Variants in PIAS2 observed in about 807,000 individuals in gnomAD.
The protein encoded by PIAS2 is protein inhibitor of activated STAT 2, also known as E3 SUMO-protein ligase PIAS2.
Under a neutral mutation model 69.7 loss-of-function variants are expected in PIAS2, and 19 were observed. The ratio of observed to expected loss-of-function variants is 0.27; its 90% CI spans 0.19 to 0.40. PIAS2 has a LOEUF of 0.40. Ranked by LOEUF, PIAS2 falls within the 10% of genes least tolerant of loss-of-function variation. The pLI is 1.00. For synonymous variants in PIAS2, 261 were observed against 263.2 expected, an observed-to-expected ratio of 0.99 and a Z score of 0.08; for missense variants, 624 against 757.0, an observed-to-expected ratio of 0.82 and a Z score of 2.06.
At chr18:46,859,427 C>CAAAAAAAAAAAAAAAAAAAAAAAAAAAAA (rs55776913) in intron 3 of PIAS2, among the ~76,000 whole-genome samples, 1 of 89,544 alleles carries the variant, frequency 1.1e-5, no homozygotes, top group Non-Finnish European at 2.0e-5. Context: ...GACTCCGTCT[C>CAAAAAAAAAAAAAAAAAAAAAAAAAAAAA]AAAAAAAAAA....
At chr18:46,898,655 A>C (rs1445159148) in intron 1 of PIAS2, among the ~76,000 whole-genome samples, 1 of 152,180 alleles carries the variant, frequency 6.6e-6, no homozygotes, top group Non-Finnish European at 1.5e-5. Flanking sequence ...CAAAAGAATA[A>C]ATTTTAAAAT....
At position 46,842,217 on chromosome 18, in the gene PIAS2, C is replaced by A. The variant is rs182096472; in HGVS notation, c.1041+1837G>T. On this transcript the variant is annotated intron_variant, in intron 8 of 13. Coordinates refer to ENST00000585916, the MANE Select transcript of PIAS2 (RefSeq NM_004671.5). Reference sequence around the variant, plus strand: ...TTCCAGCATGGGCAACAGAGAGAGACCCTGTCTCAAAAAAAATTTAAAATA... The same window carrying A: ...TTCCAGCATGGGCAACAGAGAGAGAACCTGTCTCAAAAAAAATTTAAAATA... Among the ~76,000 whole-genome samples the A allele has an allele frequency of 1.2e-4, 18 of 145,256 alleles. No individual in the cohort carries two copies. The East Asian group carries it at 2.8e-3, about 23-fold the overall frequency.
chr18:46,904,625 C>T (rs994544003), intron 1 of PIAS2, among the ~76,000 whole-genome samples: 5 of 152,056 alleles, frequency 3.3e-5, no homozygotes, highest in Admixed American at 2.0e-4. Flanking sequence ...GTGGCAGGCA[C>T]CTGTAGTCCC....
At chr18:46,825,730 AGTG>A (rs1343826568) in intron 11 of PIAS2, among the ~76,000 whole-genome samples, 2 of 152,236 alleles carry the variant, frequency 1.3e-5, no homozygotes, top group Non-Finnish European at 2.9e-5. Flanking sequence ...AACTGATTTC[AGTG>A]GTGAACTCTT....
In PIAS2 at chr18:46,864,253, G is replaced by C; in HGVS notation, c.500-5C>G. On this transcript the variant is annotated splice_polypyrimidine_tract_variant and splice_region_variant and intron_variant, in intron 2 of 13. Transcript: ENST00000585916. Reference sequence around the variant, plus strand: ...ATCGCTGAATACTGCTTTGAACTGGGAAGAAAAAAAAAAAGAAAGATAATA... The same window carrying C: ...ATCGCTGAATACTGCTTTGAACTGGCAAGAAAAAAAAAAAGAAAGATAATA... 6.5e-7 allele frequency: 1 copy of C among 1,533,076 alleles called. No homozygotes were observed. The allele number at this position is 1,533,076 out of a possible 1,614,324, so 95.0% of individuals were successfully genotyped here.
At chr18:46,890,475 T>C (rs2053908117) in intron 2 of PIAS2, 105 bp downstream of exon 2, 2 of 708,262 alleles carry the variant, frequency 2.8e-6, no homozygotes, top group Non-Finnish European at 4.6e-6. Flanking sequence ...TCGGCATTGA[T>C]GCCTCAATTT....
Position 46,807,370 on chromosome 18 carries a change from TA to T in PIAS2, c.*5062del, listed in dbSNP as rs1568312693. On this transcript the variant is annotated 3_prime_UTR_variant, in exon 14 of 14. Transcript: ENST00000585916. ...ATGTCAGATTTTATATATATATATA[TA>T]TATATATATATATTTTTTTTTTTTT... 18 of 28,306 alleles carry T rather than the reference TA, an allele frequency of 6.4e-4. No homozygotes were observed. Among genetic ancestry groups the T allele is most frequent in the South Asian group, 1.1e-3 (1 of 918 alleles). 1.8% of individuals were successfully genotyped at this position (28,306 alleles called of 1,614,324 possible).
rs542274042 is a variant in PIAS2 at position 46,846,828 on chromosome 18, G to T, written c.740C>A (p.Pro247Gln). The T allele has an allele frequency of 6.2e-7, 1 of 1,607,466 alleles. No homozygotes were observed. Among genetic ancestry groups the T allele is most frequent in the Non-Finnish European group, 8.5e-7 (1 of 1,176,802 alleles). Residue 247 changes from proline (P) to glutamine (Q), a missense_variant, in exon 6 of 14, where the codon CCG becomes CAG. By Grantham distance (76) the Pro-to-Gln change is moderately conservative. This residue lies in a region of PIAS2 where 339 missense variants were observed against 408.8 expected (regional missense o/e 0.83). Coordinates refer to ENST00000585916, the MANE Select transcript of PIAS2 (RefSeq NM_004671.5). ...KLFPLPGYAP[P>Q]PKNGIEQKRP... ...CTTCTGTTCAATCCCATTTTTAGGCGGTGGTGCATAGCCCTATAACCGTAA... is the reference window on the plus strand; with the variant it reads ...CTTCTGTTCAATCCCATTTTTAGGCTGTGGTGCATAGCCCTATAACCGTAA...
At chr18:46,815,515 C>G (rs2041418832) in intron 12 of PIAS2, 166 bp from the exon 13 acceptor site, 1 of 984,972 alleles carries the variant, frequency 1.0e-6, no homozygotes. Context: ...GTGTTTAAAA[C>G]CCAAAGATGA....
chr18:46,873,801 G>A (rs1018973166), intron 2 of PIAS2, among the ~76,000 whole-genome samples: 3 of 152,118 alleles, frequency 2.0e-5, no homozygotes, highest in Non-Finnish European at 4.4e-5. Flanking sequence ...TTTGAAAGCC[G>A]AGGGAATAAC....
rs1006344992 is a variant in PIAS2 at position 46,806,925 on chromosome 18, G to A, written c.*5508C>T. 6.6e-6 allele frequency: 1 copy of A among 152,130 alleles called. No individual in the cohort carries two copies. The highest frequency in any genetic ancestry group is 2.4e-5 in the African/African-American group (1 of 41,424). 9.4% of individuals were successfully genotyped at this position (152,130 alleles called of 1,614,324 possible). A position where few individuals can be genotyped will look rare whatever the true frequency, so the allele number is the denominator to read the frequency against. On this transcript the variant is annotated 3_prime_UTR_variant, in exon 14 of 14. Coordinates refer to ENST00000585916, the MANE Select transcript of PIAS2 (RefSeq NM_004671.5). Reference sequence around the variant, plus strand: ...GCAGTTTGGGAAATGATTGTGCTACGCCAATCAAGAAAATGTTGTACCTCA... The same window carrying A: ...GCAGTTTGGGAAATGATTGTGCTACACCAATCAAGAAAATGTTGTACCTCA...
intron 2 of PIAS2, among the ~76,000 whole-genome samples, chr18:46,885,550 T>C (rs1300978744): frequency 3.3e-5 from 5 of 151,506 alleles, no homozygotes; most frequent in Non-Finnish European, 7.4e-5. Flanking sequence ...AAAGAGCATA[T>C]ACTCATTATG....
intron 11 of PIAS2, chr18:46,827,497 A>T (rs759714227): frequency 6.6e-6 from 1 of 152,448 alleles, no homozygotes; most frequent in Non-Finnish European, 1.5e-5. Context: ...CCTGAAAATG[A>T]TCCTGTAATA....
At chr18:46,878,116 A>C (rs532090274) in intron 2 of PIAS2, among the ~76,000 whole-genome samples, 2 of 152,294 alleles carry the variant, frequency 1.3e-5, no homozygotes, top group Admixed American at 1.3e-4. Context: ...AGAATATAAC[A>C]GTCCTATATC....
intron 11 of PIAS2, among the ~76,000 whole-genome samples, chr18:46,821,321 G>A (rs1023507105): frequency 6.6e-6 from 1 of 152,150 alleles, no homozygotes; most frequent in Non-Finnish European, 1.5e-5. Context: ...ACAATGTACA[G>A]TGCTGGAGTG....
At chr18:46,839,348 T>C (rs1278863749) in intron 8 of PIAS2, among the ~76,000 whole-genome samples, 3 of 152,206 alleles carry the variant, frequency 2.0e-5, no homozygotes, top group South Asian at 2.1e-4. Flanking sequence ...TATAATTATA[T>C]AGAGAATTAA....
intron 1 of PIAS2, among the ~76,000 whole-genome samples, chr18:46,893,956 T>C (rs2054457583): frequency 6.6e-6 from 1 of 152,076 alleles, no homozygotes; most frequent in African/African-American, 2.4e-5. Context: ...TGAAACCCCG[T>C]CTCTACTAAA....
chr18:46,830,423 T>C lies in PIAS2; in HGVS notation c.1203-556A>G, dbSNP rs1439623690. On this transcript the variant is annotated intron_variant, in intron 9 of 13. Coordinates refer to ENST00000585916, the MANE Select transcript of PIAS2 (RefSeq NM_004671.5). Reference sequence around the variant, plus strand: ...ACATGAGTCAAAGATAAAAATAAGATTTTAAACTGAATGAAAATAAAAATG... The same window carrying C: ...ACATGAGTCAAAGATAAAAATAAGACTTTAAACTGAATGAAAATAAAAATG... 2.0e-5 allele frequency among the ~76,000 whole-genome samples: 3 copies of C among 152,008 alleles called. No homozygotes were observed. The East Asian group carries it at 5.8e-4, about 29-fold the overall frequency.
intron 5 of PIAS2, chr18:46,853,187 G>A (rs1243970642): frequency 2.0e-5 from 3 of 151,734 alleles, no homozygotes; most frequent in African/African-American, 7.3e-5. Flanking sequence ...TGAGATGGGA[G>A]AATCGCTTGA....
Sources: gnomAD v4.1 joint callset for allele counts (sites outside exome capture counted in the v4.1 genomes callset) on GRCh38, gnomAD v4.1.1 for gene constraint, gnomAD v4.1.1 regional missense constraint, MANE v1.5 for transcripts, NCBI Gene and HGNC (gene_info 2026-07-23, HGNC 2026-07-21) for gene names.